The following PI4K2B variants were observed in gnomAD, a reference collection of about 807,000 sequenced individuals.
PI4K2B encodes phosphatidylinositol 4-kinase type 2 beta, also known as phosphatidylinositol 4-kinase type 2-beta.
In PI4K2B, 46 loss-of-function variants were observed where a neutral mutation model predicts 56.6. The observed-to-expected ratio is 0.81, with a 90% CI of 0.64 to 1.04. PI4K2B has a LOEUF of 1.04. Among genes scored for constraint, PI4K2B ranks in the 50% least tolerant of loss-of-function variants. The probability of loss-of-function intolerance (pLI) is 0.00; values close to 1 mark genes in which losing one functional copy is unlikely to be tolerated. For missense variants in PI4K2B, 556 were observed against 607.7 expected (o/e 0.91, Z 0.89); for synonymous variants, 211 against 223.8 (o/e 0.94, Z 0.51).
chr4:25,253,386 A>G (rs1000840283), intron 2 of PI4K2B, among the ~76,000 whole-genome samples: 1 of 152,228 alleles, frequency 6.6e-6, no homozygotes. Context: ...CATAATGAGC[A>G]GTTCTTTTCT....
At chr4:25,249,711 G>A (rs950085298) in intron 1 of PI4K2B, among the ~76,000 whole-genome samples, 1 of 152,036 alleles carries the variant, frequency 6.6e-6, no homozygotes, top group Non-Finnish European at 1.5e-5. Flanking sequence ...TGGCGGCCGG[G>A]CAGAGGCACT....
At chr4:25,266,800 C>G (rs1258903364) in intron 7 of PI4K2B, among the ~76,000 whole-genome samples, 1 of 152,082 alleles carries the variant, frequency 6.6e-6, no homozygotes, top group East Asian at 1.9e-4. Flanking sequence ...AGCTTTTAAA[C>G]TGTCATCTTG....
intron 9 of PI4K2B, among the ~76,000 whole-genome samples, chr4:25,274,269 A>T (rs1388523406): frequency 6.6e-6 from 1 of 152,214 alleles, no homozygotes; most frequent in African/African-American, 2.4e-5. Context: ...CAAAGTCAGT[A>T]TGTAGAAGCC....
intron 7 of PI4K2B, among the ~76,000 whole-genome samples, chr4:25,267,268 T>C: frequency 6.6e-6 from 1 of 152,202 alleles, no homozygotes; most frequent in East Asian, 1.9e-4. Flanking sequence ...AATAAGGGCC[T>C]TTCTTCTATG....
chr4:25,251,499 C>G (rs1165590923), intron 1 of PI4K2B, among the ~76,000 whole-genome samples: 1 of 151,844 alleles, frequency 6.6e-6, no homozygotes, highest in African/African-American at 2.4e-5. Context: ...TTAAGCTGGC[C>G]AAGGAGGAGG....
chr4:25,246,392 C>T (rs968462728), intron 1 of PI4K2B, among the ~76,000 whole-genome samples: 1 of 152,198 alleles, frequency 6.6e-6, no homozygotes, highest in Admixed American at 6.5e-5. Flanking sequence ...CTGAGCTAGA[C>T]ACAAAAGTTC....
chr4:25,271,109 G>A lies in PI4K2B; in HGVS notation c.1272+1906G>A, dbSNP rs139574587. 2.8e-3 allele frequency among the ~76,000 whole-genome samples: 430 copies of A among 152,300 alleles called. 1 individual carries two copies. The highest frequency in any genetic ancestry group is 3.8e-3 in the Non-Finnish European group (259 of 68,026). On this transcript the variant is annotated intron_variant, in intron 9 of 9. Transcript: ENST00000264864. ...AGGTGATTTTAGATTATTAGCTCAC[G>A]CATCTCTCTGCTCCATCACATTTAT...
chr4:25,268,441 A>T lies in PI4K2B; in HGVS notation c.1079-2A>T. ...GATTAGGAGAATGCTTTTTTCTATT[A>T]GATCCATTTCACTGGGCTTGGCTTC... On this transcript the variant is annotated splice_acceptor_variant, in intron 7 of 9. Transcript: ENST00000264864. LOFTEE classifies it high-confidence loss of function. 1.3e-6 allele frequency: 2 copies of T among 1,599,930 alleles called. No individual in the cohort carries two copies. Among genetic ancestry groups the T allele is most frequent in the Admixed American group, 1.8e-5 (1 of 56,982 alleles).
chr4:25,252,642 G>A (rs966781788), intron 2 of PI4K2B, among the ~76,000 whole-genome samples, 167 bp downstream of exon 2: 55 of 151,926 alleles, frequency 3.6e-4, no homozygotes, highest in African/African-American at 1.2e-3. Context: ...GCCCGGGGTC[G>A]CCCTCTCTTA....
chr4:25,273,519 A>C (rs1190597984), intron 9 of PI4K2B, among the ~76,000 whole-genome samples: 2 of 152,188 alleles, frequency 1.3e-5, no homozygotes, highest in Non-Finnish European at 2.9e-5. Context: ...GTTTATCCTC[A>C]AAACACCTCC....
Position 25,234,176 on chromosome 4 carries a change from T to G in PI4K2B, c.13T>G (p.Ser5Ala). 7.2e-7 allele frequency: 1 copy of G among 1,398,398 alleles called. No homozygotes were observed. Among genetic ancestry groups the G allele is most frequent in the Non-Finnish European group, 9.3e-7 (1 of 1,075,370 alleles). The allele number at this position is 1,398,398 out of a possible 1,614,324, so 86.6% of individuals were successfully genotyped here. A position where few individuals can be genotyped will look rare whatever the true frequency, so the allele number is the denominator to read the frequency against. The change falls in exon 1 of 10, where the codon TCC becomes GCC. Residue 5 changes from serine (S) to alanine (A), a missense_variant. Coordinates refer to ENST00000264864, the MANE Select transcript of PI4K2B (RefSeq NM_018323.4). MEDP[S>A]EPDRLASADG... ...GCAGAGGGAGTCCATGGAGGATCCC[T>G]CCGAGCCCGACCGGTTGGCGTCCGC...
chr4:25,247,542 T>C (rs563305416), intron 1 of PI4K2B, among the ~76,000 whole-genome samples: 2 of 152,264 alleles, frequency 1.3e-5, no homozygotes, highest in African/African-American at 4.8e-5. Context: ...ACTGTATATA[T>C]GTGCTTGGAT....
intron 7 of PI4K2B, among the ~76,000 whole-genome samples, chr4:25,267,461 G>T (rs983092380): frequency 6.6e-6 from 1 of 152,230 alleles, no homozygotes; most frequent in Non-Finnish European, 1.5e-5. Flanking sequence ...AGGCTGAGGC[G>T]AGAGAATTGC....
intron 1 of PI4K2B, among the ~76,000 whole-genome samples, chr4:25,237,833 G>A (rs773035652): frequency 4.6e-5 from 7 of 152,178 alleles, no homozygotes; most frequent in African/African-American, 1.4e-4. Flanking sequence ...AGTCCAGTGA[G>A]CTATAATTGC....
rs551132033 is a variant in PI4K2B at position 25,269,740 on chromosome 4, G to A, written c.1272+537G>A. On this transcript the variant is annotated intron_variant, in intron 9 of 9. Transcript: ENST00000264864. ...TTGTTTTTGTTTTTTTTGAGACAGAGTCTCGCTCTGTAGCCCAGGCTGGAG... is the reference window on the plus strand; with the variant it reads ...TTGTTTTTGTTTTTTTTGAGACAGAATCTCGCTCTGTAGCCCAGGCTGGAG... Among the ~76,000 whole-genome samples, 266 of 151,280 alleles carry A rather than the reference G, an allele frequency of 1.8e-3. 8 individuals are homozygous for A. The highest frequency in any genetic ancestry group is 0.017 in the Admixed American group (252 of 15,220).
intron 5 of PI4K2B, 91 bp downstream of exon 5, chr4:25,259,281 C>A: frequency 1.1e-6 from 1 of 908,458 alleles, no homozygotes; most frequent in Non-Finnish European, 1.7e-6. Flanking sequence ...ACTTTTGTTG[C>A]AGAAGTCTTG....
At chr4:25,245,602 C>A (rs1715729947) in intron 1 of PI4K2B, among the ~76,000 whole-genome samples, 1 of 152,190 alleles carries the variant, frequency 6.6e-6, no homozygotes, top group South Asian at 2.1e-4. Context: ...TCCCAGAAAG[C>A]CTGAGACCCG....
chr4:25,249,520 A>C (rs1163119247), intron 1 of PI4K2B, among the ~76,000 whole-genome samples: 1 of 74,930 alleles, frequency 1.3e-5, no homozygotes, highest in Non-Finnish European at 3.1e-5. Context: ...TGCCGGGCGG[A>C]GGGGCTCCTC....
At chr4:25,275,080 A>G (rs1292059092) in intron 9 of PI4K2B, among the ~76,000 whole-genome samples, 2 of 152,224 alleles carry the variant, frequency 1.3e-5, no homozygotes, top group Admixed American at 1.3e-4. Flanking sequence ...CTGGGATTAC[A>G]GGCATGAGCC....
Sources: gnomAD v4.1 joint callset for allele counts (sites outside exome capture counted in the v4.1 genomes callset) on GRCh38, gnomAD v4.1.1 for gene constraint, MANE v1.5 for transcripts, NCBI Gene and HGNC (gene_info 2026-07-23, HGNC 2026-07-21) for gene names.